The following BPTF variants were observed in gnomAD, a reference collection of about 807,000 sequenced individuals.
BPTF encodes the protein bromodomain PHD finger transcription factor, also known as nucleosome-remodeling factor subunit BPTF.
Under a neutral mutation model 292.5 loss-of-function variants are expected in BPTF, and 18 were observed. That is an observed-to-expected ratio of 0.06 (90% confidence interval 0.04 to 0.09). BPTF has a LOEUF of 0.09. Among genes scored for constraint, BPTF ranks in the 10% least tolerant of loss-of-function variants. The probability of loss-of-function intolerance (pLI) is 1.00; values close to 1 mark genes in which losing one functional copy is unlikely to be tolerated. For missense variants in BPTF, 2,726 were observed against 3,498.7 expected, an observed-to-expected ratio of 0.78 and a Z score of 5.57; for synonymous variants, 1,225 against 1,251.9, an observed-to-expected ratio of 0.98 and a Z score of 0.45.
intron 3 of BPTF, among the ~76,000 whole-genome samples, chr17:67,870,689 A>G (rs972256885): frequency 8.6e-5 from 13 of 151,814 alleles, no homozygotes; most frequent in African/African-American, 2.4e-4. Context: ...AATTTACAGC[A>G]TAACAGGAAT....
At chr17:67,976,714 A>AAAAG (rs1555694156) in intron 27 of BPTF, among the ~76,000 whole-genome samples, 1 of 116,580 alleles carries the variant, frequency 8.6e-6, no homozygotes, top group Admixed American at 9.3e-5. Context: ...AAAAAAAAAA[A>AAAAG]ATAAGAATAA....
chr17:67,974,630 T>G (rs2069176117), intron 26 of BPTF: 1 of 152,240 alleles, frequency 6.6e-6, no homozygotes, highest in South Asian at 2.1e-4. Context: ...TTCAGTAATT[T>G]GCAGGAGCAG....
rs1598047968 is a variant in BPTF at position 67,825,713 on chromosome 17, C to T, written c.-12C>T. 8.5e-6 allele frequency: 9 copies of T among 1,055,246 alleles called. No homozygotes were observed. Among genetic ancestry groups the T allele is most frequent in the Non-Finnish European group, 1.0e-5 (9 of 874,752 alleles). 65.4% of individuals were successfully genotyped at this position (1,055,246 alleles called of 1,614,324 possible). ...CCCTTCGCTTTCCTTCTCCCCCCGC[C>T]TCGGCTCCGACATGAGGGGCCGGCG... On this transcript the variant is annotated 5_prime_UTR_variant, in exon 1 of 28. Transcript: ENST00000306378.
chr17:67,836,142 G>A (rs114868071), intron 1 of BPTF, among the ~76,000 whole-genome samples: 1 of 152,312 alleles, frequency 6.6e-6, no homozygotes, highest in East Asian at 1.9e-4. Flanking sequence ...GTCCTAGTGT[G>A]TCTGGGTTCT....
chr17:67,920,793 T>C (rs781061313), intron 13 of BPTF, among the ~76,000 whole-genome samples: 7 of 152,168 alleles, frequency 4.6e-5, no homozygotes, highest in Non-Finnish European at 8.8e-5. Context: ...CTTAGAAAAT[T>C]CATGAGAATT....
intron 3 of BPTF, among the ~76,000 whole-genome samples, chr17:67,872,407 A>G (rs1003438967): frequency 2.1e-4 from 32 of 152,130 alleles, no homozygotes; most frequent in African/African-American, 7.2e-4. Flanking sequence ...AAGAAAAGCT[A>G]TAGGATGTAG....
In BPTF at chr17:67,911,592, G is replaced by A. The variant is rs566320227; in HGVS notation, c.3708G>A (p.Pro1236=). The change falls in exon 11 of 28, where the codon CCG becomes CCA. Residue 1236 remains proline, a synonymous_variant. Transcript: ENST00000306378. ...CTTTGATCTGTAAGAACAAAAAACCGCTCATACAGGAGGAAAGTGACACCA... is the reference window on the plus strand; with the variant it reads ...CTTTGATCTGTAAGAACAAAAAACCACTCATACAGGAGGAAAGTGACACCA... ...IGTLICKNKK[P]LIQEESDTIV... 5.6e-6 allele frequency: 9 copies of A among 1,614,106 alleles called. No individual in the cohort carries two copies. The highest frequency in any genetic ancestry group is 4.0e-5 in the African/African-American group (3 of 75,006).
chr17:67,920,258 C>T, intron 13 of BPTF, 115 bp downstream of exon 13: 3 of 1,201,754 alleles, frequency 2.5e-6, no homozygotes, highest in Non-Finnish European at 3.5e-6. Flanking sequence ...ACATATTTTA[C>T]AACTACCAAA....
At chr17:67,856,186 G>T (rs1401789381) in intron 2 of BPTF, among the ~76,000 whole-genome samples, 1 of 151,904 alleles carries the variant, frequency 6.6e-6, no homozygotes, top group African/African-American at 2.4e-5. Flanking sequence ...TCTCTTTGGG[G>T]TATTTGTATG....
At chr17:67,941,923 A>G (rs1459608336) in intron 19 of BPTF, among the ~76,000 whole-genome samples, 2 of 152,240 alleles carry the variant, frequency 1.3e-5, no homozygotes, top group East Asian at 3.8e-4. Flanking sequence ...GAAAAGAACC[A>G]ACCAAGGACT....
chr17:67,975,797 A>C lies in BPTF; in HGVS notation c.8565A>C (p.Val2855=). Residue 2855 remains valine, a synonymous_variant, in exon 27 of 28, where the codon GTA becomes GTC. Transcript: ENST00000306378. The stretch of plus-strand genomic sequence containing the variant: ...ACCTTGCCACCATGGAAGAAAGAGT[A>C]CAAAGACGATATTATGAAAAGCTGA... ...PMDLATMEER[V]QRRYYEKLTE... 6.2e-7 allele frequency: 1 copy of C among 1,613,878 alleles called. No individual in the cohort carries two copies. Among genetic ancestry groups the C allele is most frequent in the Non-Finnish European group, 8.5e-7 (1 of 1,179,934 alleles).
chr17:67,827,780 G>T (rs1567845741), intron 1 of BPTF, among the ~76,000 whole-genome samples: 1 of 152,148 alleles, frequency 6.6e-6, no homozygotes, highest in Non-Finnish European at 1.5e-5. Flanking sequence ...CTGAAAAAAG[G>T]TAATTTCTTT....
chr17:67,944,362 G>A lies in BPTF; in HGVS notation c.6690G>A (p.Thr2230=), dbSNP rs2065632438. The A allele has an allele frequency of 1.2e-6, 2 of 1,612,806 alleles. No individual in the cohort carries two copies. The highest frequency in any genetic ancestry group is 1.7e-6 in the Non-Finnish European group (2 of 1,179,990). ...GCACCACCACCACCACTGTTTCCAC[G>A]ACAGCAGCAGGTAGAGCTGTGGGTT... is the stretch of plus-strand genomic sequence containing the variant. ...TASTTTTTVS[T]TAAGTGEQRQ... The change falls in exon 20 of 28, where the codon ACG becomes ACA. Residue 2230 remains threonine, a synonymous_variant. Coordinates refer to ENST00000306378, the MANE Select transcript of BPTF (RefSeq NM_182641.4).
Position 67,953,961 on chromosome 17 carries a change from C to CTTTTTTTTTT in BPTF, c.7927-5548_7927-5539dup, listed in dbSNP as rs869063412. ...ATCTTTTTTCTTTTTCTTTTCTTTT[C>CTTTTTTTTTT]TTTTTTTTTTTTTTTTTTTTTTTTT... On this transcript the variant is annotated intron_variant, in intron 23 of 27. Transcript: ENST00000306378. Among the ~76,000 whole-genome samples, 9 of 65,636 alleles carry CTTTTTTTTTT rather than the reference C, an allele frequency of 1.4e-4. 1 individual carries two copies. The highest frequency in any genetic ancestry group is 6.5e-4 in the African/African-American group (9 of 13,812). 43.1% of individuals were successfully genotyped at this position (65,636 alleles called of 152,430 possible). A position where few individuals can be genotyped will look rare whatever the true frequency, so the allele number is the denominator to read the frequency against.
At chr17:67,885,994 A>G (rs983249856) in intron 4 of BPTF, 2 of 684,196 alleles carry the variant, frequency 2.9e-6, no homozygotes, top group Admixed American at 2.8e-5. Flanking sequence ...TATACATTGC[A>G]TTACTGATAC....
chr17:67,906,063 A>C (rs1183975276), intron 9 of BPTF, among the ~76,000 whole-genome samples: 6 of 151,316 alleles, frequency 4.0e-5, no homozygotes, highest in African/African-American at 9.7e-5. Context: ...AAAAATAATG[A>C]GGTTTTTTTT....
chr17:67,840,457 T>C lies in BPTF; in HGVS notation c.614-13483T>C, dbSNP rs1598155453. Among the ~76,000 whole-genome samples, 6 of 142,736 alleles carry C rather than the reference T, an allele frequency of 4.2e-5. No individual in the cohort carries two copies. In the Admixed American group the frequency reaches 4.3e-4, roughly 10 times the overall value. 93.6% of individuals were successfully genotyped at this position (142,736 alleles called of 152,430 possible). ...TGTTTAATTGGGTTGCTGCTGCTCC[T>C]CTTGTTGTTGTTGTTGCTGCTGCTG... On this transcript the variant is annotated intron_variant, in intron 1 of 27. Coordinates refer to ENST00000306378, the MANE Select transcript of BPTF (RefSeq NM_182641.4).
At chr17:67,848,593 A>T (rs8076408) in intron 1 of BPTF, among the ~76,000 whole-genome samples, 4,584 of 152,098 alleles carry the variant, frequency 0.03, 246 homozygotes, top group African/African-American at 0.1. Context: ...ACTTTTTTTT[A>T]AAATTAAAAA....
chr17:67,893,695 C>A lies in BPTF; in HGVS notation c.2381C>A (p.Ser794Tyr). ...ITQLENNIPS[S>Y]FLHPNWASHR... ...CAATTAGAAAACAACATCCCTTCAT[C>A]CTTTCTTCATCCCAACTGGGCATCA... Residue 794 changes from serine to tyrosine, a missense_variant, in exon 6 of 28, where the codon TCC becomes TAC. Physicochemically the swap from Ser to Tyr is moderately radical, Grantham distance 144. This residue lies in a region of BPTF where 99 missense variants were observed against 227.1 expected (regional missense o/e 0.44). Coordinates refer to ENST00000306378, the MANE Select transcript of BPTF (RefSeq NM_182641.4). 1 of 1,608,382 alleles carries A rather than the reference C, an allele frequency of 6.2e-7. No homozygotes were observed. The highest frequency in any genetic ancestry group is 1.7e-4 in the Middle Eastern group (1 of 6,034).
Sources: allele counts gnomAD v4.1 joint callset (sites outside exome capture counted in the v4.1 genomes callset), GRCh38; gene constraint gnomAD v4.1.1; regional missense constraint gnomAD v4.1.1; transcripts MANE v1.5; gene names NCBI Gene and HGNC (gene_info 2026-07-23, HGNC 2026-07-21).